Variants in SPEG observed in about 807,000 individuals in gnomAD.
SPEG encodes the protein striated muscle enriched protein kinase, also known as striated muscle preferentially expressed protein kinase.
SPEG carries 114 observed loss-of-function variants against 300.4 expected under a neutral mutation model. That is an observed-to-expected ratio of 0.38 (90% CI 0.33 to 0.44). The LOEUF (loss-of-function observed/expected upper bound fraction) is 0.44. Among genes scored for constraint, SPEG ranks in the 20% least tolerant of loss-of-function variants. The probability of loss-of-function intolerance (pLI) is 1.00; values close to 1 mark genes in which losing one functional copy is unlikely to be tolerated. For missense variants in SPEG, 4,201 were observed against 4,586.2 expected, an observed-to-expected ratio of 0.92 and a Z score of 2.43; for synonymous variants, 1,964 against 2,018.9, an observed-to-expected ratio of 0.97 and a Z score of 0.73.
Position 219,477,916 on chromosome 2 carries a change from C to T in SPEG, c.4838C>T (p.Ser1613Phe). The T allele has an allele frequency of 6.2e-7, 1 of 1,614,054 alleles. No homozygotes were observed. Among genetic ancestry groups the T allele is most frequent in the Non-Finnish European group, 8.5e-7 (1 of 1,179,962 alleles). ...CCTGTGTCAACCAGGGGTGCTTTCT[C>T]CTACTTGCGGCGCATAGTGGAGCGT... ...IHQEIGRGAF[S>F]YLRRIVERSS... Residue 1613 changes from serine to phenylalanine, a missense_variant, in exon 22 of 41, where the codon TCC (serine) becomes TTC (phenylalanine). Transcript: ENST00000312358. The surrounding 1 kb of genome is among the most constrained non-coding windows in gnomAD (Gnocchi z 6.4).
In SPEG at chr2:219,473,515, G is replaced by A; in HGVS notation, c.4159G>A (p.Glu1387Lys). The stretch of plus-strand genomic sequence containing the variant: ...TCTCCTCCTCCCAGGCCCAACCCTG[G>A]AGGAGGCCCCTGCCATGCTGGACAA... ...VQLLEHGPTL[E>K]EAPAMLDKPD... is the part of the protein sequence containing the mutation. The change falls in exon 17 of 41, where the codon GAG (glutamate) becomes AAG (lysine). Residue 1387 changes from glutamate (E) to lysine (K), a missense_variant. Physicochemically the swap from Glu to Lys is moderately conservative, Grantham distance 56 (BLOSUM62 1). Transcript: ENST00000312358. The surrounding 1 kb of genome is among the most constrained non-coding windows in gnomAD (Gnocchi z 4.6). 1.2e-6 allele frequency: 2 copies of A among 1,613,986 alleles called. No homozygotes were observed. Among genetic ancestry groups the A allele is most frequent in the Non-Finnish European group, 1.7e-6 (2 of 1,180,008 alleles).
At chr2:219,442,619 A>G (rs375249774) in intron 1 of SPEG, among the ~76,000 whole-genome samples, 1 of 27,044 alleles carries the variant, frequency 3.7e-5, no homozygotes, top group African/African-American at 1.5e-4. Flanking sequence ...TCCCTCCCCC[A>G]CCCCCTTGAC....
At position 219,449,215 on chromosome 2, in the gene SPEG, G is replaced by A. The variant is rs1005163459; in HGVS notation, c.2057G>A (p.Arg686Gln). The A allele has an allele frequency of 7.2e-7, 1 of 1,393,664 alleles. No individual in the cohort carries two copies. The highest frequency in any genetic ancestry group is 1.6e-5 in the South Asian group (1 of 60,876). 86.3% of individuals were successfully genotyped at this position (1,393,664 alleles called of 1,614,324 possible). The change falls in exon 4 of 41, where the codon CGA becomes CAA. Residue 686 changes from arginine (R) to glutamine (Q), a missense_variant. Around this residue, in one of 4 missense-constraint regions of SPEG, gnomAD observed 1,258 missense variants for 1,293.9 expected, o/e 0.97. Transcript: ENST00000312358. ...GGTCCCTGGGGGCCCTGGGACCGCC[G>A]AGGGGCCCGCAGCCAGGGCAAAGGT... ...EDGPWGPWDR[R>Q]GARSQGKGRR...
In SPEG at chr2:219,477,653, C is replaced by T. The variant is rs1575149462; in HGVS notation, c.4730-36C>T. On this transcript the variant is annotated intron_variant, in intron 20 of 40. Transcript: ENST00000312358. This position sits in a 1 kb window ranked among gnomAD's most constrained non-coding sequence, Gnocchi z 6.4. Reference sequence around the variant, plus strand: ...CAGTCTCTGGCCTGCTTGCTTTCTTCCCCTCCCACCTAACACCATGACATC... The same window carrying T: ...CAGTCTCTGGCCTGCTTGCTTTCTTTCCCTCCCACCTAACACCATGACATC... 1 of 1,513,016 alleles carries T rather than the reference C, an allele frequency of 6.6e-7. No individual in the cohort carries two copies. 93.7% of individuals were successfully genotyped at this position (1,513,016 alleles called of 1,614,324 possible).
At position 219,464,798 on chromosome 2, in the gene SPEG, G is replaced by A. The variant is rs1055987376; in HGVS notation, c.2881+190G>A. The A allele has an allele frequency of 3.4e-6, 2 of 593,040 alleles. No individual in the cohort carries two copies. The highest frequency in any genetic ancestry group is 6.0e-6 in the Non-Finnish European group (2 of 333,920). 36.7% of individuals were successfully genotyped at this position (593,040 alleles called of 1,614,324 possible). On this transcript the variant is annotated intron_variant, in intron 9 of 40. Coordinates refer to ENST00000312358, the MANE Select transcript of SPEG (RefSeq NM_005876.5). The surrounding 1 kb of genome is among the most constrained non-coding windows in gnomAD (Gnocchi z 4.5). The stretch of plus-strand genomic sequence containing the variant: ...GACAGGAAGTGACCTGCCCAAAGCT[G>A]CACAGCACATTGTTCCGTGCTCAGC...
chr2:219,474,970 A>C (rs1692212809), intron 18 of SPEG, among the ~76,000 whole-genome samples: 1 of 151,956 alleles, frequency 6.6e-6, no homozygotes, highest in Admixed American at 6.6e-5. Context: ...TTTTTAGTAG[A>C]GATGGGGTTT....
chr2:219,489,286 C>T lies in SPEG; in HGVS notation c.8318-50C>T, dbSNP rs538456830. ...CTGAGCCTAGGGTTCTTGTGGAGCA[C>T]CATGGCCTTGCCCCAAGGCACCACG... On this transcript the variant is annotated intron_variant, in intron 35 of 40. Transcript: ENST00000312358. The T allele has an allele frequency of 4.3e-6, 7 of 1,613,348 alleles. No individual in the cohort carries two copies. In the South Asian group the frequency reaches 6.6e-5, roughly 15 times the overall value.
At chr2:219,471,088 CCAGTGCCCATCGATGTG>C (rs942592477) in intron 13 of SPEG, among the ~76,000 whole-genome samples, 4 of 152,112 alleles carry the variant, frequency 2.6e-5, no homozygotes, top group Non-Finnish European at 5.9e-5. Context: ...GCAGCGTGGG[CCAGTGCCCATCGATGTG>C]CAGGCGAGAG....
chr2:219,451,306 C>T lies in SPEG; in HGVS notation c.2257+27C>T, dbSNP rs1201230671. ...TGAGCTCCAGCACTGGGCCAAGGTG[C>T]GGTCGAGGTTGGGAGGGGGTGTGTG... On this transcript the variant is annotated intron_variant, in intron 5 of 40. Transcript: ENST00000312358. The surrounding 1 kb of genome is among the most constrained non-coding windows in gnomAD (Gnocchi z 6.4). 30 of 1,582,732 alleles carry T rather than the reference C, an allele frequency of 1.9e-5. No individual in the cohort carries two copies. Among genetic ancestry groups the T allele is most frequent in the South Asian group, 9.3e-5 (8 of 85,856 alleles).
Position 219,443,862 on chromosome 2 carries a change from G to A in SPEG, c.389-791G>A. 2 of 475,920 alleles carry A rather than the reference G, an allele frequency of 4.2e-6. No homozygotes were observed. The highest frequency in any genetic ancestry group is 1.7e-5 in the South Asian group (1 of 59,314). The allele number at this position is 475,920 out of a possible 1,614,324, so 29.5% of individuals were successfully genotyped here. ...AAGCCCAAGTATGGGGGTCCCCAGT[G>A]CTGGGCACATCCCAGGTATCTCCCT... On this transcript the variant is annotated intron_variant, in intron 1 of 40. Transcript: ENST00000312358. The surrounding 1 kb of genome is among the most constrained non-coding windows in gnomAD (Gnocchi z 4.6).
In SPEG at chr2:219,479,173, C is replaced by G. The variant is rs781502232; in HGVS notation, c.5057C>G (p.Ala1686Gly). The G allele has an allele frequency of 6.2e-7, 1 of 1,613,644 alleles. No homozygotes were observed. The highest frequency in any genetic ancestry group is 8.5e-7 in the Non-Finnish European group (1 of 1,179,968). Reference protein sequence around the residue: ...LCTEELLERIARKPTVCESEI... With the variant: ...LCTEELLERIGRKPTVCESEI... The stretch of plus-strand genomic sequence containing the variant: ...ACAGAGGAGCTGCTGGAGCGAATCG[C>G]CAGGAAACCCACCGTGTGTGAGTCT... The change falls in exon 23 of 41, where the codon GCC (alanine) becomes GGC (glycine). Residue 1686 changes from alanine (A) to glycine (G), a missense_variant. Around this residue, in one of 4 missense-constraint regions of SPEG, gnomAD observed 1,047 missense variants for 1,356.8 expected, o/e 0.77. Transcript: ENST00000312358. The surrounding 1 kb of genome is among the most constrained non-coding windows in gnomAD (Gnocchi z 5.5).
Position 219,485,461 on chromosome 2 carries a change from C to G in SPEG, c.7725C>G (p.Tyr2575Ter), listed in dbSNP as rs571175061. 1 of 1,593,522 alleles carries G rather than the reference C, an allele frequency of 6.3e-7. No homozygotes were observed. Among genetic ancestry groups the G allele is most frequent in the Non-Finnish European group, 8.6e-7 (1 of 1,169,160 alleles). ...ASVQEELGHQ[Y>*]VRSESDFPPV... ...TCCAGGAGGAGTTGGGTCACCAGTA[C>G]GTGCGCAGTGAGTCAGGTAATAAGA... Residue 2575 changes from tyrosine (Y) to a stop codon, truncating the protein, a stop_gained, in exon 31 of 41, where the codon TAC (tyrosine) becomes TAG (stop). Coordinates refer to ENST00000312358, the MANE Select transcript of SPEG (RefSeq NM_005876.5). LOFTEE classifies it high-confidence loss of function.
In SPEG at chr2:219,462,072, G is replaced by T. The variant is rs1254504728; in HGVS notation, c.2616+15G>T. 4.4e-6 allele frequency: 7 copies of T among 1,587,522 alleles called. No individual in the cohort carries two copies. The African/African-American group carries it at 5.5e-5, about 12-fold the overall frequency. On this transcript the variant is annotated intron_variant, in intron 7 of 40. Coordinates refer to ENST00000312358, the MANE Select transcript of SPEG (RefSeq NM_005876.5). ...CCACCTTCAAGGTCAGACCCCTGAG[G>T]CTGGGGCCTAGCCTCCTGTGTGCCC...
intron 8 of SPEG, among the ~76,000 whole-genome samples, chr2:219,462,788 C>T (rs1329660460): frequency 2.6e-5 from 4 of 152,200 alleles, no homozygotes; most frequent in Admixed American, 1.3e-4. Flanking sequence ...TGTGGTGGTG[C>T]ATGCTTGTAA....
chr2:219,465,929 GTGTGCGTGCA>G (rs1159843745), intron 9 of SPEG: 2 of 614,126 alleles, frequency 3.3e-6, no homozygotes, highest in Admixed American at 5.8e-5. Flanking sequence ...GTGTGCGCGC[GTGTGCGTGCA>G]CGTGTGCGTG....
intron 3 of SPEG, 43 bp from the exon 4 acceptor site, chr2:219,447,931 A>AG (rs1689438578): frequency 6.4e-7 from 1 of 1,572,138 alleles, no homozygotes; most frequent in Non-Finnish European, 8.7e-7. Flanking sequence ...CTAGGAGAGG[A>AG]GGCCCCCTGA....
In SPEG at chr2:219,477,534, T is replaced by G; in HGVS notation, c.4729+89T>G. On this transcript the variant is annotated intron_variant, in intron 20 of 40. Coordinates refer to ENST00000312358, the MANE Select transcript of SPEG (RefSeq NM_005876.5). This position sits in a 1 kb window ranked among gnomAD's most constrained non-coding sequence, Gnocchi z 6.4. The stretch of plus-strand genomic sequence containing the variant: ...GCTCTGCCCAGGAAGCAGCCAGCCC[T>G]GGACTCGAGCCACCACACCCCCAGC... 6.9e-7 allele frequency: 1 copy of G among 1,446,662 alleles called. No individual in the cohort carries two copies. Among genetic ancestry groups the G allele is most frequent in the Non-Finnish European group, 9.3e-7 (1 of 1,080,538 alleles). 89.6% of individuals were successfully genotyped at this position (1,446,662 alleles called of 1,614,324 possible).
Position 219,483,289 on chromosome 2 carries a change from G to A in SPEG, c.5826G>A (p.Glu1942=), listed in dbSNP as rs765685367. Residue 1942 remains glutamate, a synonymous_variant, in exon 30 of 41, where the codon GAG becomes GAA. Coordinates refer to ENST00000312358, the MANE Select transcript of SPEG (RefSeq NM_005876.5). The part of the protein sequence containing the change: ...LPSVPRPLQP[E]FSGSRVSLTD... ...CAGTGCCCCGCCCACTGCAGCCCGA[G>A]TTCTCTGGCTCCCGGGTGTCCCTCA... is the stretch of plus-strand genomic sequence containing the variant. 4 of 1,607,414 alleles carry A rather than the reference G, an allele frequency of 2.5e-6. No homozygotes were observed. Among genetic ancestry groups the A allele is most frequent in the Non-Finnish European group, 3.4e-6 (4 of 1,177,066 alleles).
At position 219,448,380 on chromosome 2, in the gene SPEG, G is replaced by A. The variant is rs977321273; in HGVS notation, c.1222G>A (p.Glu408Lys). The A allele has an allele frequency of 3.2e-6, 5 of 1,558,394 alleles. No homozygotes were observed. In the African/African-American group the frequency reaches 6.9e-5, roughly 21 times the overall value. The change falls in exon 4 of 41, where the codon GAG becomes AAG. Residue 408 changes from glutamate to lysine, a missense_variant. Glu to Lys is a moderately conservative substitution (Grantham distance 56, BLOSUM62 1). This residue lies in a region of SPEG where 1,258 missense variants were observed against 1,293.9 expected (regional missense o/e 0.97). Transcript: ENST00000312358. ...SRILDKLQFFEERRRSLERSD... is the reference protein window; with the variant it reads ...SRILDKLQFFKERRRSLERSD... ...CATCCTGGACAAGCTGCAGTTCTTC[G>A]AGGAGCGACGGCGCAGCCTGGAGCG... is the stretch of plus-strand genomic sequence containing the variant.
Sources: allele counts gnomAD v4.1 joint callset (sites outside exome capture counted in the v4.1 genomes callset), GRCh38; gene constraint gnomAD v4.1.1; regional missense constraint gnomAD v4.1.1; non-coding constraint Gnocchi (gnomAD v3.1); transcripts MANE v1.5; gene names NCBI Gene and HGNC (gene_info 2026-07-23, HGNC 2026-07-21).